The following DPF3 variants were observed in gnomAD, a reference collection of about 807,000 sequenced individuals.
DPF3 encodes the protein double PHD fingers 3, also known as zinc finger protein DPF3.
A neutral mutation model predicts 56.8 loss-of-function variants in DPF3; 18 were observed. The observed-to-expected ratio is 0.32, with a 90% CI of 0.22 to 0.47. DPF3 has a LOEUF of 0.47. DPF3 is among the 20% of genes least tolerant of loss of function. The pLI is 1.00. For synonymous variants in DPF3, 188 were observed against 180.2 expected, an observed-to-expected ratio of 1.04 and a Z score of -0.35; for missense variants, 403 against 488.8, an observed-to-expected ratio of 0.82 and a Z score of 1.65.
chr14:72,660,647 C>A (rs776371695), intron 8 of DPF3, among the ~76,000 whole-genome samples: 5 of 152,192 alleles, frequency 3.3e-5, no homozygotes, highest in Non-Finnish European at 7.3e-5. Flanking sequence ...CATTTTTGTG[C>A]AAAACTTCTA....
At chr14:72,801,212 C>G (rs11158979) in intron 1 of DPF3, among the ~76,000 whole-genome samples, 22,020 of 152,198 alleles carry the variant, frequency 0.14, 1,724 homozygotes, top group Middle Eastern at 0.32. Context: ...ACAGAGGATG[C>G]AGGCACTGGG....
At position 72,737,728 on chromosome 14, in the gene DPF3, C is replaced by A. The variant is rs141923745; in HGVS notation, c.302-5794G>T. Among the ~76,000 whole-genome samples, 22 of 152,292 alleles carry A rather than the reference C, an allele frequency of 1.4e-4. No homozygotes were observed. The East Asian group carries it at 3.7e-3, about 25-fold the overall frequency. On this transcript the variant is annotated intron_variant, in intron 3 of 10. Transcript: ENST00000556509. ...GCAGTGTGTTCTGCCAACAGACAGA[C>A]TGCCCCAAGGGAAATTGTGGTGAAA...
intron 1 of DPF3, chr14:72,836,020 C>CA: frequency 5.1e-6 from 5 of 984,544 alleles, no homozygotes; most frequent in Non-Finnish European, 6.0e-6. Flanking sequence ...GGCCAGCCGT[C>CA]ACCACACGGG....
At chr14:72,848,946 G>A (rs759522174) in intron 1 of DPF3, among the ~76,000 whole-genome samples, 14 of 152,066 alleles carry the variant, frequency 9.2e-5, no homozygotes, top group Non-Finnish European at 1.9e-4. Flanking sequence ...TGTACTAAGC[G>A]CTTCACATAC....
intron 1 of DPF3, among the ~76,000 whole-genome samples, chr14:72,840,034 T>A (rs1473574086): frequency 6.6e-6 from 1 of 152,174 alleles, no homozygotes; most frequent in East Asian, 1.9e-4. Context: ...TCCTCATCCA[T>A]AAAATAGGGA....
Position 72,753,331 on chromosome 14 carries a change from G to C in DPF3, c.234C>G (p.Cys78Trp), listed in dbSNP as rs1890657189. The change falls in exon 3 of 11, where the codon TGC becomes TGG. Residue 78 changes from cysteine to tryptophan, a missense_variant. Around this residue, in one of 2 missense-constraint regions of DPF3, gnomAD observed 340 missense variants for 374.3 expected, o/e 0.91. Transcript: ENST00000556509. ...GGTGCAATCGTCTCTTCTTGCGCCA[G>C]CAGCGGGCAGGGTATGTATACAGCT... ...PGQLYTYPAR[C>W]WRKKRRLHPP... is the part of the protein sequence containing the mutation. 6.2e-7 allele frequency: 1 copy of C among 1,613,400 alleles called. No homozygotes were observed. Among genetic ancestry groups the C allele is most frequent in the African/African-American group, 1.3e-5 (1 of 75,038 alleles).
chr14:72,712,211 G>A (rs1291717811), intron 6 of DPF3, among the ~76,000 whole-genome samples: 1 of 152,160 alleles, frequency 6.6e-6, no homozygotes, highest in East Asian at 1.9e-4. Context: ...AGGTGGGAGA[G>A]AGCCTGCGGG....
At chr14:72,685,858 C>G (rs10136385) in intron 7 of DPF3, among the ~76,000 whole-genome samples, 63,609 of 152,094 alleles carry the variant, frequency 0.42, 14,739 homozygotes, top group East Asian at 0.84. Flanking sequence ...TCAGAGACAG[C>G]CAAGAGACAC....
chr14:72,672,029 CCACACA>C lies in DPF3; in HGVS notation c.871+2205_871+2210del, dbSNP rs368797206. 1.4e-3 allele frequency among the ~76,000 whole-genome samples: 210 copies of C among 145,738 alleles called. 1 individual carries two copies. Among genetic ancestry groups the C allele is most frequent in the African/African-American group, 2.8e-3 (107 of 38,442 alleles). On this transcript the variant is annotated intron_variant, in intron 8 of 10. Coordinates refer to ENST00000556509, the MANE Select transcript of DPF3 (RefSeq NM_001280542.3). ...CCACATACATGTGCACGTGTGCACACCACACACACACACACACACACACACACACAG... is the reference window on the plus strand; with the variant it reads ...CCACATACATGTGCACGTGTGCACACCACACACACACACACACACACACAG...
At chr14:72,673,951 C>A (rs914502384) in intron 8 of DPF3, 25 of 357,096 alleles carry the variant, frequency 7.0e-5, no homozygotes, top group Non-Finnish European at 1.0e-5. Flanking sequence ...TTCCACTCTA[C>A]CTCGCTGTGG....
intron 8 of DPF3, among the ~76,000 whole-genome samples, chr14:72,639,346 T>C (rs1885476700): frequency 6.6e-6 from 1 of 152,170 alleles, no homozygotes; most frequent in African/African-American, 2.4e-5. Context: ...GGCGTGGCTA[T>C]CAATGAAGGA....
intron 1 of DPF3, among the ~76,000 whole-genome samples, chr14:72,879,110 T>G (rs557524058): frequency 4.1e-4 from 62 of 152,326 alleles, no homozygotes; most frequent in African/African-American, 1.5e-3. Context: ...GTGGCCAGGC[T>G]TGGTGGCTCA....
intron 2 of DPF3, among the ~76,000 whole-genome samples, chr14:72,755,532 C>T (rs1437883119): frequency 6.6e-6 from 1 of 152,148 alleles, no homozygotes; most frequent in African/African-American, 2.4e-5. Flanking sequence ...AAGATAAGGG[C>T]ATTGATAACA....
intron 2 of DPF3, among the ~76,000 whole-genome samples, chr14:72,763,057 A>C (rs10135274): frequency 0.29 from 44,726 of 151,844 alleles, 7,242 homozygotes; most frequent in Middle Eastern, 0.4. Context: ...AAAATGTTAA[A>C]GATCTATACA....
intron 1 of DPF3, among the ~76,000 whole-genome samples, chr14:72,786,326 G>T (rs957996593): frequency 6.6e-6 from 1 of 151,852 alleles, no homozygotes; most frequent in East Asian, 1.9e-4. Context: ...GGGACATACC[G>T]AGGCAGAGCT....
intron 1 of DPF3, among the ~76,000 whole-genome samples, chr14:72,799,365 G>C (rs1892774079): frequency 1.3e-5 from 2 of 152,122 alleles, no homozygotes. Flanking sequence ...TGGCCAATAA[G>C]AAAACCGGCC....
chr14:72,700,554 C>T (rs1888113948), intron 6 of DPF3, among the ~76,000 whole-genome samples: 1 of 152,204 alleles, frequency 6.6e-6, no homozygotes, highest in South Asian at 2.1e-4. Flanking sequence ...CTGAGATAAT[C>T]TTGAAAGTCT....
chr14:72,783,478 G>A (rs1247749710), intron 1 of DPF3, among the ~76,000 whole-genome samples: 1 of 152,146 alleles, frequency 6.6e-6, no homozygotes, highest in Admixed American at 6.5e-5. Flanking sequence ...AGTCAGTGCT[G>A]GCAGGAGACC....
rs550546293 is a variant in DPF3 at position 72,806,701 on chromosome 14, A to G, written c.33-34808T>C. On this transcript the variant is annotated intron_variant, in intron 1 of 10. Transcript: ENST00000556509. Reference sequence around the variant, plus strand: ...CAACCAAGTGCTCCTGGAATTCGACATGCTTTTTTATGTCCTTCCCACCCC... The same window carrying G: ...CAACCAAGTGCTCCTGGAATTCGACGTGCTTTTTTATGTCCTTCCCACCCC... The G allele has an allele frequency of 5.3e-5, 8 of 152,282 alleles. No individual in the cohort carries two copies. In the East Asian group the frequency reaches 1.4e-3, roughly 26 times the overall value. 9.4% of individuals were successfully genotyped at this position (152,282 alleles called of 1,614,324 possible).
Sources: gnomAD v4.1 joint callset for allele counts (sites outside exome capture counted in the v4.1 genomes callset) on GRCh38, gnomAD v4.1.1 for gene constraint, gnomAD v4.1.1 regional missense constraint, MANE v1.5 for transcripts, NCBI Gene and HGNC (gene_info 2026-07-23, HGNC 2026-07-21) for gene names.